Variants in SGCZ observed in about 807,000 individuals in gnomAD.
The protein encoded by SGCZ is zeta-sarcoglycan.
In SGCZ, 40 loss-of-function variants were observed where a neutral mutation model predicts 41.3. The observed-to-expected ratio is 0.97, with a 90% CI of 0.75 to 1.26. The LOEUF (loss-of-function observed/expected upper bound fraction) is 1.26, where lower values mean the gene tolerates loss of function less well. Among genes scored for constraint, SGCZ ranks in the 50% most tolerant of loss-of-function variants. The pLI is 0.00. For missense variants in SGCZ, 552 were observed against 369.8 expected (o/e 1.49, Z -4.04); for synonymous variants, 206 against 137.5 (o/e 1.50, Z -3.49).
intron 1 of SGCZ, among the ~76,000 whole-genome samples, chr8:15,157,901 C>G (rs922077602): frequency 1.3e-5 from 2 of 152,180 alleles, no homozygotes; most frequent in South Asian, 4.1e-4. Context: ...ACCATCTGGC[C>G]TTGTTGTTCC....
intron 2 of SGCZ, among the ~76,000 whole-genome samples, chr8:14,440,930 TAGTA>T (rs1247663091): frequency 6.6e-6 from 1 of 151,946 alleles, no homozygotes; most frequent in Non-Finnish European, 1.5e-5. Flanking sequence ...GATCTCCTGT[TAGTA>T]AGTCTAAGAA....
intron 4 of SGCZ, among the ~76,000 whole-genome samples, chr8:14,233,238 T>C (rs1269390338): frequency 6.6e-6 from 1 of 151,990 alleles, no homozygotes; most frequent in Admixed American, 6.6e-5. Context: ...TATTAGTTTT[T>C]AGCTATTACT....
intron 1 of SGCZ, among the ~76,000 whole-genome samples, chr8:14,567,737 A>T (rs7831516): frequency 0.31 from 47,855 of 151,926 alleles, 7,880 homozygotes; most frequent in African/African-American, 0.42. Flanking sequence ...ACTCACCGTG[A>T]AGGTCTGCAG....
intron 6 of SGCZ, among the ~76,000 whole-genome samples, chr8:14,104,920 CAGT>C (rs1303811288): frequency 1.3e-5 from 2 of 151,940 alleles, no homozygotes; most frequent in Non-Finnish European, 2.9e-5. Flanking sequence ...TTTTCTTATT[CAGT>C]AGTTAATGGA....
chr8:14,085,491 C>T lies in SGCZ; in HGVS notation c.*4952G>A, dbSNP rs558230547. Among the ~76,000 whole-genome samples, 1 of 151,614 alleles carries T rather than the reference C, an allele frequency of 6.6e-6. No individual in the cohort carries two copies. The highest frequency in any genetic ancestry group is 2.4e-5 in the African/African-American group (1 of 41,370). On this transcript the variant is annotated 3_prime_UTR_variant, in exon 8 of 8. Coordinates refer to ENST00000382080, the MANE Select transcript of SGCZ (RefSeq NM_139167.4). ...AAAAAAACAAAAAATAACTACAGTTCATTATATCTCATTTCCTTTAATGGT... is the reference window on the plus strand; with the variant it reads ...AAAAAAACAAAAAATAACTACAGTTTATTATATCTCATTTCCTTTAATGGT...
intron 1 of SGCZ, among the ~76,000 whole-genome samples, chr8:14,912,558 T>G (rs1034534163): frequency 2.6e-5 from 4 of 152,074 alleles, no homozygotes; most frequent in African/African-American, 9.7e-5. Flanking sequence ...AATATAGTAG[T>G]GATGTTTCCA....
intron 1 of SGCZ, among the ~76,000 whole-genome samples, chr8:14,880,765 G>C (rs1804556636): frequency 6.6e-6 from 1 of 152,054 alleles, no homozygotes; most frequent in South Asian, 2.1e-4. Flanking sequence ...AGAACACTTG[G>C]ACACAGGAAG....
At chr8:14,286,220 G>C (rs1320362036) in intron 3 of SGCZ, among the ~76,000 whole-genome samples, 2 of 152,028 alleles carry the variant, frequency 1.3e-5, no homozygotes, top group Non-Finnish European at 2.9e-5. Flanking sequence ...CTAATTCCTT[G>C]AAGTGACTTT....
chr8:15,126,476 A>C (rs1253225530), intron 1 of SGCZ, among the ~76,000 whole-genome samples: 3 of 152,162 alleles, frequency 2.0e-5, no homozygotes, highest in Non-Finnish European at 4.4e-5. Context: ...GGGAATACAA[A>C]CTGGAATAAG....
At chr8:14,941,278 G>A (rs1300582794) in intron 1 of SGCZ, among the ~76,000 whole-genome samples, 1 of 152,074 alleles carries the variant, frequency 6.6e-6, no homozygotes, top group African/African-American at 2.4e-5. Context: ...AAAAGCAGTA[G>A]TGTCAAAGCA....
intron 4 of SGCZ, among the ~76,000 whole-genome samples, chr8:14,211,931 C>A (rs1470020614): frequency 6.6e-6 from 1 of 152,182 alleles, no homozygotes; most frequent in African/African-American, 2.4e-5. Context: ...TGAGCCACAG[C>A]TGTGCCATAC....
chr8:15,183,282 G>T (rs574144210), intron 1 of SGCZ, among the ~76,000 whole-genome samples: 2 of 152,140 alleles, frequency 1.3e-5, no homozygotes, highest in African/African-American at 4.8e-5. Flanking sequence ...TTCTATGCTA[G>T]GCTGTCATAC....
intron 1 of SGCZ, among the ~76,000 whole-genome samples, chr8:14,799,838 T>C (rs764338759): frequency 2.6e-5 from 4 of 152,018 alleles, no homozygotes; most frequent in African/African-American, 9.7e-5. Context: ...ACCTAGCAAA[T>C]GTAGTCTTAT....
intron 1 of SGCZ, among the ~76,000 whole-genome samples, chr8:15,179,770 A>T (rs1051690171): frequency 3.9e-5 from 6 of 152,202 alleles, no homozygotes; most frequent in African/African-American, 1.4e-4. Context: ...AGACATTAGG[A>T]AATAGAGGCA....
intron 1 of SGCZ, among the ~76,000 whole-genome samples, chr8:14,911,233 G>C (rs74984248): frequency 6.6e-6 from 1 of 151,874 alleles, no homozygotes; most frequent in Admixed American, 6.6e-5. Flanking sequence ...TCCACATCTG[G>C]CTTCATTAGA....
At chr8:14,290,607 C>T (rs1368227961) in intron 3 of SGCZ, among the ~76,000 whole-genome samples, 1 of 151,890 alleles carries the variant, frequency 6.6e-6, no homozygotes, top group Non-Finnish European at 1.5e-5. Context: ...CTCATCATTA[C>T]AAAAATGCAA....
intron 1 of SGCZ, among the ~76,000 whole-genome samples, chr8:15,174,379 C>T (rs529462817): frequency 6.6e-6 from 1 of 152,288 alleles, no homozygotes; most frequent in South Asian, 2.1e-4. Context: ...CTGCTAAAAA[C>T]ATTGTATATA....
chr8:14,594,844 A>G (rs548715915), intron 1 of SGCZ, among the ~76,000 whole-genome samples: 1 of 151,594 alleles, frequency 6.6e-6, no homozygotes, highest in African/African-American at 2.4e-5. Flanking sequence ...TTCCTTAAAA[A>G]TTTTTTTACC....
At chr8:14,455,906 G>A (rs528675646) in intron 2 of SGCZ, among the ~76,000 whole-genome samples, 135 of 152,226 alleles carry the variant, frequency 8.9e-4, no homozygotes, top group Middle Eastern at 3.4e-3. Flanking sequence ...ACATGTTTAT[G>A]GTTCAATTTA....
Sources: allele counts gnomAD v4.1 joint callset (sites outside exome capture counted in the v4.1 genomes callset), GRCh38; gene constraint gnomAD v4.1.1; transcripts MANE v1.5; gene names NCBI Gene and HGNC (gene_info 2026-07-23, HGNC 2026-07-21).